The following ADGRG1 variants were observed in gnomAD, a reference collection of about 807,000 sequenced individuals.
ADGRG1 encodes adhesion G protein-coupled receptor G1, also known as 7-transmembrane protein with no EGF-like N-terminal domains-1.
A neutral mutation model predicts 73.5 loss-of-function variants in ADGRG1; 53 were observed. The observed-to-expected ratio is 0.72, with a 90% CI of 0.58 to 0.91. The LOEUF is 0.91. ADGRG1 is among the 40% of genes least tolerant of loss of function. The pLI is 0.00. For missense variants in ADGRG1, 795 were observed against 871.8 expected (o/e 0.91, Z 1.11); for synonymous variants, 394 against 374.4 (o/e 1.05, Z -0.60).
chr16:57,627,645 A>C (rs1302240845), upstream of ADGRG1: 1 of 285,620 alleles, frequency 3.5e-6, no homozygotes, highest in African/African-American at 2.3e-5. Context: ...AGCGAGTGTA[A>C]TTACTGTTAT....
At chr16:57,632,429 T>C in intron 1 of ADGRG1, 1 of 639,782 alleles carries the variant, frequency 1.6e-6, no homozygotes, top group Non-Finnish European at 1.9e-6. Flanking sequence ...ATTATGAGCA[T>C]GAAGAGAGTT....
chr16:57,650,267 G>A lies in ADGRG1; in HGVS notation c.-21G>A. The A allele has an allele frequency of 6.2e-7, 1 of 1,611,820 alleles. No homozygotes were observed. The highest frequency in any genetic ancestry group is 8.5e-7 in the Non-Finnish European group (1 of 1,177,916). ...GTCTCTTCCAGGTGGTGACTTCCAA[G>A]AGTGACTCCGTCGGAGGAAAATGAC... On this transcript the variant is annotated 5_prime_UTR_variant, in exon 2 of 14. Transcript: ENST00000562631.
At chr16:57,654,712 T>A (rs1490730819) in intron 5 of ADGRG1, among the ~76,000 whole-genome samples, 1 of 152,030 alleles carries the variant, frequency 6.6e-6, no homozygotes, top group East Asian at 1.9e-4. Flanking sequence ...AAACCCTGTC[T>A]CTACTAAAAA....
intron 1 of ADGRG1, chr16:57,632,289 A>T: frequency 1.0e-6 from 1 of 985,398 alleles, no homozygotes; most frequent in Non-Finnish European, 1.2e-6. Flanking sequence ...CAGGGCCCGT[A>T]GAGACAGCAA....
At chr16:57,630,267 TG>T in intron 1 of ADGRG1, 1 of 638,166 alleles carries the variant, frequency 1.6e-6, no homozygotes, top group Non-Finnish European at 2.0e-6. Flanking sequence ...TTAATAACCA[TG>T]GGCTGCCAAG....
chr16:57,630,300 AG>A, intron 1 of ADGRG1: 2 of 896,142 alleles, frequency 2.2e-6, no homozygotes, highest in Non-Finnish European at 2.7e-6. Flanking sequence ...GAGCCCAGGC[AG>A]GGGTCCTGTT....
At position 57,655,858 on chromosome 16, in the gene ADGRG1, C is replaced by T. The variant is rs1425059866; in HGVS notation, c.901-18C>T. The T allele has an allele frequency of 6.2e-7, 1 of 1,614,118 alleles. No individual in the cohort carries two copies. The highest frequency in any genetic ancestry group is 2.2e-5 in the East Asian group (1 of 44,880). Reference sequence around the variant, plus strand: ...TGAACTCCCTCCCTACTCTCTTCCTCCAACCCCATGTATCTAGGACAAGAA... The same window carrying T: ...TGAACTCCCTCCCTACTCTCTTCCTTCAACCCCATGTATCTAGGACAAGAA... On this transcript the variant is annotated intron_variant, in intron 6 of 13. Transcript: ENST00000562631.
chr16:57,620,590 C>A (rs959334373), upstream of ADGRG1, among the ~76,000 whole-genome samples: 24 of 152,194 alleles, frequency 1.6e-4, 1 homozygote, highest in Admixed American at 6.5e-5. Flanking sequence ...GGTCGTTTGA[C>A]TTTTGACTGG....
At chr16:57,635,426 C>G in intron 1 of ADGRG1, 1 of 985,320 alleles carries the variant, frequency 1.0e-6, no homozygotes. Flanking sequence ...GAGCTGGGAC[C>G]AGTGCAGCAC....
chr16:57,654,168 G>A, intron 5 of ADGRG1, 35 bp downstream of exon 5: 1 of 1,599,832 alleles, frequency 6.3e-7, no homozygotes, highest in Non-Finnish European at 8.5e-7. Context: ...GCAGATGCGG[G>A]TTGGGCCGGG....
At position 57,656,530 on chromosome 16, in the gene ADGRG1, T is replaced by G; in HGVS notation, c.1080T>G (p.His360Gln). The change falls in exon 9 of 14, where the codon CAT becomes CAG. Residue 360 changes from histidine to glutamine, a missense_variant. Transcript: ENST00000562631. ...VEDPTLSSPG[H>Q]WSSAGCETVR... The stretch of plus-strand genomic sequence containing the variant: ...CCTCCTCAGTGAGCAGCCCGGGGCA[T>G]TGGAGCAGTGCTGGGTGTGAGACCG... 3 of 1,613,178 alleles carry G rather than the reference T, an allele frequency of 1.9e-6. No individual in the cohort carries two copies. The highest frequency in any genetic ancestry group is 2.5e-6 in the Non-Finnish European group (3 of 1,179,188).
upstream of ADGRG1, chr16:57,622,753 G>A (rs574253285): frequency 6.1e-6 from 6 of 985,164 alleles, no homozygotes; most frequent in African/African-American, 5.2e-5. Flanking sequence ...CAGACATTCC[G>A]TCATGCTTAG....
upstream of ADGRG1, chr16:57,624,801 C>T: frequency 1.5e-6 from 1 of 666,580 alleles, no homozygotes; most frequent in Non-Finnish European, 1.9e-6. Context: ...GCAGCCTCCT[C>T]TCTACCTCCT....
chr16:57,622,898 T>C (rs1330705180), upstream of ADGRG1: 1 of 985,288 alleles, frequency 1.0e-6, no homozygotes, highest in African/African-American at 1.7e-5. Flanking sequence ...AGGAACTGCA[T>C]TCTGCAGTGG....
At chr16:57,629,273 G>A in intron 1 of ADGRG1, 2 of 619,146 alleles carry the variant, frequency 3.2e-6, no homozygotes, top group Non-Finnish European at 2.0e-6. Context: ...GGAGGGGACT[G>A]GGGCCCAAGG....
At chr16:57,633,677 G>GCTC in intron 1 of ADGRG1, 1 of 212,574 alleles carries the variant, frequency 4.7e-6, no homozygotes, top group Non-Finnish European at 8.1e-6. Context: ...ATCCTGAGAG[G>GCTC]ATTAAGTGAG....
At chr16:57,632,834 C>A in intron 1 of ADGRG1, 7 of 985,262 alleles carry the variant, frequency 7.1e-6, no homozygotes, top group African/African-American at 1.7e-5. Flanking sequence ...GATGGCCTGG[C>A]GGTGGGGAGA....
chr16:57,652,915 C>T lies in ADGRG1; in HGVS notation c.488-288C>T, dbSNP rs372672980. 1.2e-4 allele frequency: 151 copies of T among 1,281,160 alleles called. No individual in the cohort carries two copies. The African/African-American group carries it at 1.6e-3, about 13-fold the overall frequency. 79.4% of individuals were successfully genotyped at this position (1,281,160 alleles called of 1,614,324 possible). The stretch of plus-strand genomic sequence containing the variant: ...AGGCCTGGCTGGGCCCTCTCTGCTC[C>T]GTGTGTGTAGCCGAAGGTGTCTGCG... On this transcript the variant is annotated intron_variant, in intron 3 of 13. Transcript: ENST00000562631.
chr16:57,649,255 C>T (rs1251835999), intron 1 of ADGRG1, among the ~76,000 whole-genome samples: 2 of 152,194 alleles, frequency 1.3e-5, no homozygotes, highest in Non-Finnish European at 2.9e-5. Flanking sequence ...GTCGCGGATG[C>T]ATTGATCCTT....
Sources: allele counts gnomAD v4.1 joint callset (sites outside exome capture counted in the v4.1 genomes callset), GRCh38; gene constraint gnomAD v4.1.1; transcripts MANE v1.5; gene names NCBI Gene and HGNC (gene_info 2026-07-23, HGNC 2026-07-21).